NBPF15: variants seen among roughly 807,000 people sequenced by gnomAD.
NBPF15 encodes the protein NBPF family member NBPF15.
In NBPF15, 74 loss-of-function variants were observed where a neutral mutation model predicts 62.2. The ratio of observed to expected loss-of-function variants is 1.19; its 90% CI spans 0.99 to 1.44. The LOEUF (loss-of-function observed/expected upper bound fraction) is 1.44, where lower values mean the gene tolerates loss of function less well. NBPF15 is among the 40% of genes most tolerant of loss of function. The probability of loss-of-function intolerance (pLI) is 0.00; values close to 1 mark genes in which losing one functional copy is unlikely to be tolerated. For missense variants in NBPF15, 790 were observed against 550.0 expected (o/e 1.44, Z -4.36); for synonymous variants, 244 against 209.7 (o/e 1.16, Z -1.41).
chr1:144,426,204 C>T, intron 18 of NBPF15, 74 bp downstream of exon 18: 3 of 593,284 alleles, frequency 5.1e-6, no homozygotes, highest in Non-Finnish European at 8.6e-6. Context: ...CAGTAAGGGC[C>T]ACTTGGAACA....
At chr1:144,424,072 T>A (rs1214890828) in intron 20 of NBPF15, 97 bp from the exon 21 acceptor site, 2 of 757,996 alleles carry the variant, frequency 2.6e-6, no homozygotes, top group East Asian at 4.9e-5. Flanking sequence ...CTCAGGCTCC[T>A]CAGCATAAGA....
intron 6 of NBPF15, among the ~76,000 whole-genome samples, chr1:144,446,514 C>A (rs1355053900): frequency 6.6e-6 from 1 of 152,280 alleles, no homozygotes; most frequent in African/African-American, 2.4e-5. Context: ...AATAGAAAAG[C>A]ATTCAATCTT....
Position 144,423,873 on chromosome 1 carries a change from G to A in NBPF15, c.1766C>T (p.Pro589Leu). 4 of 770,052 alleles carry A rather than the reference G, an allele frequency of 5.2e-6. No individual in the cohort carries two copies. Among genetic ancestry groups the A allele is most frequent in the Non-Finnish European group, 9.5e-6 (4 of 422,834 alleles). 47.7% of individuals were successfully genotyped at this position (770,052 alleles called of 1,614,324 possible). Residue 589 changes from proline to leucine, a missense_variant, in exon 21 of 22, where the codon CCC (proline) becomes CTC (leucine). Physicochemically the swap from Pro to Leu is moderately conservative, Grantham distance 98. Coordinates refer to ENST00000581897, the MANE Select transcript of NBPF15 (RefSeq NM_001385408.1). ...ATCCACAATTGCTGAAAGTTACCTG[G>A]GGCATGGTGGGTTGTCATCTTCCCC... The part of the protein sequence containing the change: ...KEGEDDNPPC[P>L]RLYGVLMEVE...
intron 3 of NBPF15, among the ~76,000 whole-genome samples, chr1:144,457,372 G>A (rs1202203931): frequency 6.6e-6 from 1 of 151,832 alleles, no homozygotes; most frequent in Non-Finnish European, 1.5e-5. Context: ...CTGAGCTTTC[G>A]CTAGGTTATG....
chr1:144,434,693 A>G (rs1676915447), intron 12 of NBPF15, among the ~76,000 whole-genome samples: 1 of 151,548 alleles, frequency 6.6e-6, no homozygotes, highest in African/African-American at 2.4e-5. Context: ...GATCCAGATG[A>G]AAGCTGAGAG....
At position 144,422,949 on chromosome 1, in the gene NBPF15, A is replaced by G; in HGVS notation, c.*64T>C. On this transcript the variant is annotated 3_prime_UTR_variant, in exon 22 of 22. Transcript: ENST00000581897. ...TCCAAATGGAACTGTACTTTCATTC[A>G]AATCTTCTCGTGCCTATAGGTCCTG... 1 of 1,611,578 alleles carries G rather than the reference A, an allele frequency of 6.2e-7. No individual in the cohort carries two copies. The highest frequency in any genetic ancestry group is 8.5e-7 in the Non-Finnish European group (1 of 1,179,576).
chr1:144,445,227 G>T (rs1351246692), intron 6 of NBPF15, among the ~76,000 whole-genome samples: 2 of 144,490 alleles, frequency 1.4e-5, no homozygotes, highest in African/African-American at 5.1e-5. Context: ...TTATCAGACT[G>T]CAATATGTAT....
In NBPF15 at chr1:144,440,197, C is replaced by T; in HGVS notation, c.-92G>A. On this transcript the variant is annotated 5_prime_UTR_variant, in exon 7 of 22. Coordinates refer to ENST00000581897, the MANE Select transcript of NBPF15 (RefSeq NM_001385408.1). ...ACTTTAGGATCCTTCACCACAAAAA[C>T]AAGGTTCGAGGTGCCTCAACTCAGA... The T allele has an allele frequency of 6.5e-7, 1 of 1,534,114 alleles. No individual in the cohort carries two copies. The highest frequency in any genetic ancestry group is 2.3e-4 in the Middle Eastern group (1 of 4,304).
intron 4 of NBPF15, among the ~76,000 whole-genome samples, chr1:144,453,669 C>G (rs4950227): frequency 0.011 from 820 of 76,736 alleles, 6 homozygotes; most frequent in African/African-American, 0.032. Context: ...AAAAGTGAAA[C>G]ATCTGAACAC....
rs1266603807 is a variant in NBPF15 at position 144,451,665 on chromosome 1, C to A, written c.-431-795G>T. 7.3e-5 allele frequency among the ~76,000 whole-genome samples: 11 copies of A among 151,580 alleles called. 1 individual carries two copies. Among genetic ancestry groups the A allele is most frequent in the African/African-American group, 2.2e-4 (9 of 41,176 alleles). The stretch of plus-strand genomic sequence containing the variant: ...TCAAGCATTTGTTTAACAAAGCACA[C>A]CCTGAACAGCCCTTAATCCATTTAA... On this transcript the variant is annotated intron_variant, in intron 4 of 21. Transcript: ENST00000581897.
At chr1:144,437,229 C>T (rs1386522032) in intron 9 of NBPF15, 120 bp from the exon 10 acceptor site, 7 of 1,024,854 alleles carry the variant, frequency 6.8e-6, no homozygotes, top group Admixed American at 1.7e-5. Context: ...AAGGTCAGCA[C>T]ATGTTTAAAG....
intron 4 of NBPF15, among the ~76,000 whole-genome samples, 154 bp from the exon 5 acceptor site, chr1:144,451,024 A>G (rs1350280556): frequency 6.6e-6 from 1 of 152,056 alleles, no homozygotes; most frequent in African/African-American, 2.4e-5. Flanking sequence ...GGCGTTCAGC[A>G]TATGGAGGAC....
intron 13 of NBPF15, among the ~76,000 whole-genome samples, chr1:144,431,325 A>G (rs1553540190): frequency 6.7e-6 from 1 of 150,228 alleles, no homozygotes; most frequent in Non-Finnish European, 1.5e-5. Context: ...AGCCAGAGAG[A>G]AAGGTCGGAT....
rs1314699523 is a variant in NBPF15, at chr1:144,427,844, C to T, written c.1187G>A (p.Arg396His). The T allele has an allele frequency of 5.7e-5, 42 of 734,698 alleles. No homozygotes were observed. Among genetic ancestry groups the T allele is most frequent in the South Asian group, 8.8e-5 (6 of 68,036 alleles). 45.5% of individuals were successfully genotyped at this position (734,698 alleles called of 1,614,324 possible). A position where few individuals can be genotyped will look rare whatever the true frequency, so the allele number is the denominator to read the frequency against. Reference sequence around the variant, plus strand: ...ATCCATGTCAATAGCCAAGCCAACACGCTGTTGCTCCAATACGTAAAAGGC... The same window carrying T: ...ATCCATGTCAATAGCCAAGCCAACATGCTGTTGCTCCAATACGTAAAAGGC... ...RSAFYVLEQQ[R>H]VGLAIDMDEI... Residue 396 changes from arginine (R) to histidine (H), a missense_variant, in exon 16 of 22, where the codon CGT (arginine) becomes CAT (histidine). Arg to His is a conservative substitution (Grantham distance 29). Coordinates refer to ENST00000581897, the MANE Select transcript of NBPF15 (RefSeq NM_001385408.1).
At chr1:144,453,602 A>G (rs1553546015) in intron 4 of NBPF15, among the ~76,000 whole-genome samples, 2 of 148,586 alleles carry the variant, frequency 1.3e-5, no homozygotes, top group Non-Finnish European at 3.0e-5. Context: ...GCTGTCCAAA[A>G]TATATGAAGA....
At chr1:144,427,682 T>G in intron 16 of NBPF15, 136 bp downstream of exon 16, 1 of 631,910 alleles carries the variant, frequency 1.6e-6, no homozygotes, top group Admixed American at 2.6e-5. Context: ...TAGAGTTTCA[T>G]TCAACCTACA....
intron 10 of NBPF15, among the ~76,000 whole-genome samples, chr1:144,436,505 G>T (rs1678482551): frequency 6.6e-6 from 1 of 151,922 alleles, no homozygotes; most frequent in Non-Finnish European, 1.5e-5. Flanking sequence ...AGAAACTCAG[G>T]AAGGACAAGT....
chr1:144,461,305 G>T (rs1425226776), intron 1 of NBPF15, 76 bp downstream of exon 1: 8 of 123,806 alleles, frequency 6.5e-5, no homozygotes, highest in African/African-American at 2.5e-4. Flanking sequence ...ACCCCGCCTC[G>T]CCCTCCGTCG....
In NBPF15 at chr1:144,440,323, G is replaced by A. The variant is rs1191219363; in HGVS notation, c.-190-28C>T. On this transcript the variant is annotated intron_variant, in intron 6 of 21. Transcript: ENST00000581897. ...GCAGTTGCAATAACAGAATTAGAAG[G>A]TGGGGGTGTCATGGAATCTTAGGAG... 106 of 1,269,446 alleles carry A rather than the reference G, an allele frequency of 8.4e-5. 2 individuals are homozygous for A. The South Asian group carries it at 1.6e-3, about 19-fold the overall frequency. 78.6% of individuals were successfully genotyped at this position (1,269,446 alleles called of 1,614,324 possible).
Sources: allele counts gnomAD v4.1 joint callset (sites outside exome capture counted in the v4.1 genomes callset), GRCh38; gene constraint gnomAD v4.1.1; transcripts MANE v1.5; gene names NCBI Gene and HGNC (gene_info 2026-07-23, HGNC 2026-07-21).